RNF180: variants seen among roughly 807,000 people sequenced by gnomAD.
RNF180 encodes ring finger protein 180.
In RNF180, 38 loss-of-function variants were observed where a neutral mutation model predicts 59.2. The ratio of observed to expected loss-of-function variants is 0.64; its 90% CI spans 0.50 to 0.84. RNF180 has a LOEUF of 0.84. Ranked by LOEUF, RNF180 falls within the 40% of genes least tolerant of loss-of-function variation. The pLI, the probability that RNF180 is intolerant of heterozygous loss-of-function variation, is 0.00. For missense variants in RNF180, 705 were observed against 700.9 expected (o/e 1.01, Z -0.07); for synonymous variants, 262 against 240.3 (o/e 1.09, Z -0.84).
chr5:64,332,546 T>C (rs138370096), intron 7 of RNF180, among the ~76,000 whole-genome samples: 31 of 152,242 alleles, frequency 2.0e-4, no homozygotes, highest in Admixed American at 4.6e-4. Flanking sequence ...CTAACTAATA[T>C]AGTAGTAAAG....
intron 1 of RNF180, among the ~76,000 whole-genome samples, chr5:64,184,705 A>G (rs145155380): frequency 2.3e-4 from 35 of 152,330 alleles, no homozygotes; most frequent in South Asian, 8.3e-4. Flanking sequence ...TGAGAAATTT[A>G]TATAAAGTAT....
intron 5 of RNF180, among the ~76,000 whole-genome samples, chr5:64,236,559 G>T (rs1260668171): frequency 1.3e-5 from 2 of 152,190 alleles, no homozygotes; most frequent in Non-Finnish European, 2.9e-5. Flanking sequence ...AGGAATGCAA[G>T]CCCACTGCAG....
intron 2 of RNF180, among the ~76,000 whole-genome samples, chr5:64,209,475 C>G (rs1752194265): frequency 6.6e-6 from 1 of 151,984 alleles, no homozygotes; most frequent in Admixed American, 6.6e-5. Flanking sequence ...TACCTTTATG[C>G]AACACAGTCC....
chr5:64,285,649 T>A (rs1268785642), intron 5 of RNF180, among the ~76,000 whole-genome samples: 2 of 152,124 alleles, frequency 1.3e-5, no homozygotes, highest in East Asian at 3.9e-4. Flanking sequence ...GAGACTGTGT[T>A]GCAGGCAGAC....
chr5:64,267,175 C>T (rs968674252), intron 5 of RNF180, among the ~76,000 whole-genome samples: 4 of 151,914 alleles, frequency 2.6e-5, no homozygotes, highest in Non-Finnish European at 1.5e-5. Flanking sequence ...AGAAATTTTT[C>T]GCCCAGACCA....
rs1274144875 is a variant in RNF180, at chr5:64,213,874, G to T, written c.548G>T (p.Cys183Phe). The change falls in exon 4 of 8, where the codon TGC becomes TTC. Residue 183 changes from cysteine to phenylalanine, a missense_variant. By Grantham distance (205) the Cys-to-Phe change is radical. Transcript: ENST00000389100. Reference sequence around the variant, plus strand: ...CCTGGAAGATTAACAGAAGCACTCTGCCTGGAGGTGCGACCAACATATTTT... The same window carrying T: ...CCTGGAAGATTAACAGAAGCACTCTTCCTGGAGGTGCGACCAACATATTTT... Reference protein sequence around the residue: ...NDPGRLTEALCLEVRPTYFEM... With the variant: ...NDPGRLTEALFLEVRPTYFEM... 1 of 1,614,090 alleles carries T rather than the reference G, an allele frequency of 6.2e-7. No individual in the cohort carries two copies. The highest frequency in any genetic ancestry group is 8.5e-7 in the Non-Finnish European group (1 of 1,180,014).
intron 7 of RNF180, among the ~76,000 whole-genome samples, chr5:64,360,929 T>C (rs1746230727): frequency 1.3e-5 from 2 of 151,708 alleles, no homozygotes; most frequent in Non-Finnish European, 3.0e-5. Context: ...AAATCTTTTA[T>C]AATAGGCATT....
chr5:64,354,896 A>G (rs959406300), intron 7 of RNF180, among the ~76,000 whole-genome samples: 2 of 151,910 alleles, frequency 1.3e-5, no homozygotes, highest in Non-Finnish European at 2.9e-5. Flanking sequence ...ACACACTCAG[A>G]AGACTAGGAG....
chr5:64,231,784 T>C (rs1279505713), intron 5 of RNF180, among the ~76,000 whole-genome samples: 1 of 152,344 alleles, frequency 6.6e-6, no homozygotes, highest in Admixed American at 6.5e-5. Flanking sequence ...ATTAGGTGAA[T>C]GCGTTTATTA....
chr5:64,179,562 CTT>C (rs949281916), intron 1 of RNF180, among the ~76,000 whole-genome samples: 1 of 152,042 alleles, frequency 6.6e-6, no homozygotes, highest in African/African-American at 2.4e-5. Flanking sequence ...CTTAAAATAA[CTT>C]TGATTTTTTT....
chr5:64,272,104 A>T (rs1741443667), intron 5 of RNF180, among the ~76,000 whole-genome samples: 1 of 152,138 alleles, frequency 6.6e-6, no homozygotes, highest in Admixed American at 6.6e-5. Context: ...TACTAGACAT[A>T]GAGCTTAAGG....
chr5:64,232,261 G>T (rs1226495345), intron 5 of RNF180, among the ~76,000 whole-genome samples: 1 of 152,236 alleles, frequency 6.6e-6, no homozygotes, highest in African/African-American at 2.4e-5. Context: ...ATGCCTTAAA[G>T]GAATGTGTAG....
rs546115516 is a variant in RNF180 at position 64,214,146 on chromosome 5, A to G, written c.820A>G (p.Ser274Gly). 1.2e-6 allele frequency: 2 copies of G among 1,614,178 alleles called. No individual in the cohort carries two copies. The highest frequency in any genetic ancestry group is 4.5e-5 in the East Asian group (2 of 44,882). The change falls in exon 4 of 8, where the codon AGT (serine) becomes GGT (glycine). Residue 274 changes from serine (S) to glycine (G), a missense_variant. Ser to Gly is a moderately conservative substitution (Grantham distance 56, BLOSUM62 0). Coordinates refer to ENST00000389100, the MANE Select transcript of RNF180 (RefSeq NM_001113561.2). ...CCTTTCAGGCTTGCCTTTACAATCT[A>G]GTAAAAATAGCTATTCCTTTCAGAA... ...IDLSGLPLQS[S>G]KNSYSFQNPS...
At chr5:64,187,887 C>G (rs939388849) in intron 1 of RNF180, among the ~76,000 whole-genome samples, 1 of 152,158 alleles carries the variant, frequency 6.6e-6, no homozygotes. Flanking sequence ...AAATGATTCA[C>G]GAACAAATTA....
At chr5:64,296,490 T>C (rs1464024516) in intron 5 of RNF180, among the ~76,000 whole-genome samples, 1 of 152,136 alleles carries the variant, frequency 6.6e-6, no homozygotes, top group Non-Finnish European at 1.5e-5. Context: ...TGATCAAGCT[T>C]TAAGAAGCAT....
chr5:64,281,243 TCC>T (rs1741996180), intron 5 of RNF180, among the ~76,000 whole-genome samples: 1 of 152,198 alleles, frequency 6.6e-6, no homozygotes, highest in Non-Finnish European at 1.5e-5. Flanking sequence ...AATCATATCA[TCC>T]ATGAAGATAG....
chr5:64,258,354 T>C (rs1205063186), intron 5 of RNF180, among the ~76,000 whole-genome samples: 1 of 152,082 alleles, frequency 6.6e-6, no homozygotes, highest in Non-Finnish European at 1.5e-5. Flanking sequence ...AGGATGAATG[T>C]GGGAAGGGAG....
chr5:64,311,070 G>T (rs563906943), intron 5 of RNF180, among the ~76,000 whole-genome samples: 9 of 151,796 alleles, frequency 5.9e-5, no homozygotes, highest in Non-Finnish European at 1.2e-4. Flanking sequence ...CAGATTATTT[G>T]GGTGGGGCAC....
At chr5:64,317,295 A>G (rs879880359) in intron 5 of RNF180, among the ~76,000 whole-genome samples, 6 of 152,210 alleles carry the variant, frequency 3.9e-5, no homozygotes, top group South Asian at 2.1e-4. Context: ...TTATGTTTAT[A>G]CTGTTCTGTA....
Sources: gnomAD v4.1 joint callset for allele counts (sites outside exome capture counted in the v4.1 genomes callset) on GRCh38, gnomAD v4.1.1 for gene constraint, MANE v1.5 for transcripts, NCBI Gene and HGNC (gene_info 2026-07-23, HGNC 2026-07-21) for gene names.